Variants in SREBF2 observed in about 807,000 individuals in gnomAD.
The protein encoded by SREBF2 is sterol regulatory element binding transcription factor 2.
In SREBF2, 55 loss-of-function variants were observed where a neutral mutation model predicts 113.1. The ratio of observed to expected loss-of-function variants is 0.49; its 90% CI spans 0.39 to 0.61. The LOEUF is 0.61. Ranked by LOEUF, SREBF2 falls within the 20% of genes least tolerant of loss-of-function variation. SREBF2 has a pLI of 0.00. For missense variants in SREBF2, 1,349 were observed against 1,487.4 expected, an observed-to-expected ratio of 0.91 and a Z score of 1.53; for synonymous variants, 593 against 605.7, an observed-to-expected ratio of 0.98 and a Z score of 0.31.
At chr22:41,840,108 A>T (rs554051530) in intron 1 of SREBF2, among the ~76,000 whole-genome samples, 6 of 151,208 alleles carry the variant, frequency 4.0e-5, no homozygotes, top group Non-Finnish European at 7.4e-5. Context: ...ATAGGCACCC[A>T]CCTCCACACC....
At chr22:41,895,140 G>A (rs1569408384) in intron 13 of SREBF2, among the ~76,000 whole-genome samples, 3 of 138,158 alleles carry the variant, frequency 2.2e-5, no homozygotes, top group East Asian at 2.1e-4. Context: ...GACCAAGTGC[G>A]TTTTTTTTTT....
chr22:41,866,691 G>T, intron 1 of SREBF2, 140 bp from the exon 2 acceptor site: 1 of 983,662 alleles, frequency 1.0e-6, no homozygotes, highest in Non-Finnish European at 1.6e-6. Flanking sequence ...ATCCCCACAA[G>T]AAAGAGGTAA....
chr22:41,886,010 C>G (rs781524816), intron 11 of SREBF2: 1 of 152,208 alleles, frequency 6.6e-6, no homozygotes, highest in Non-Finnish European at 1.5e-5. Context: ...ATAAGAGACT[C>G]ATCCCTTGAT....
rs1168805672 is a variant in SREBF2 at position 41,867,035 on chromosome 22, C to T, written c.293C>T (p.Pro98Leu). ...VQRSFTQVTL[P>L]SFSPSAASPQ... is the part of the protein sequence containing the mutation. Reference sequence around the variant, plus strand: ...CGGTCATTCACCCAGGTCACATTACCTTCCTTCTCTCCCTCGGCGGCCTCC... The same window carrying T: ...CGGTCATTCACCCAGGTCACATTACTTTCCTTCTCTCCCTCGGCGGCCTCC... Residue 98 changes from proline (P) to leucine (L), a missense_variant, in exon 2 of 19, where the codon CCT becomes CTT. Pro to Leu is a moderately conservative substitution (Grantham distance 98, BLOSUM62 -3). This residue lies in a region of SREBF2 where 699 missense variants were observed against 843.3 expected (regional missense o/e 0.83). Transcript: ENST00000361204. 6.2e-7 allele frequency: 1 copy of T among 1,614,164 alleles called. No individual in the cohort carries two copies.
intron 4 of SREBF2, 25 bp from the exon 5 acceptor site, chr22:41,873,773 T>C: frequency 6.3e-7 from 1 of 1,577,334 alleles, no homozygotes; most frequent in Non-Finnish European, 8.6e-7. Context: ...GGGATCATTC[T>C]GCTGTGTACC....
chr22:41,873,709 A>G, intron 4 of SREBF2, 89 bp from the exon 5 acceptor site: 2 of 1,349,872 alleles, frequency 1.5e-6, no homozygotes, highest in Non-Finnish European at 2.1e-6. Context: ...GTCTGGCAGC[A>G]CTTGGCCAAA....
At chr22:41,897,975 T>C (rs2077431030) in intron 14 of SREBF2, among the ~76,000 whole-genome samples, 1 of 152,230 alleles carries the variant, frequency 6.6e-6, no homozygotes, top group Non-Finnish European at 1.5e-5. Flanking sequence ...TTTATGGCTA[T>C]TGAAAGCTTA....
Position 41,893,462 on chromosome 22 carries a change from T to C in SREBF2, c.2377+177T>C, listed in dbSNP as rs5996080. Among the ~76,000 whole-genome samples the C allele has an allele frequency of 0.14, 21,306 of 152,126 alleles. 2,213 individuals are homozygous for C. The highest frequency in any genetic ancestry group is 0.3 in the African/African-American group (12,369 of 41,448). On this transcript the variant is annotated intron_variant, in intron 12 of 18. Transcript: ENST00000361204. Reference sequence around the variant, plus strand: ...AGCTCAGGGAGGTTGAGTAACTTGCTTAAGGTCACAAGCCTGATCAGAAAT... The same window carrying C: ...AGCTCAGGGAGGTTGAGTAACTTGCCTAAGGTCACAAGCCTGATCAGAAAT...
At chr22:41,899,096 C>T in intron 15 of SREBF2, 1 of 685,426 alleles carries the variant, frequency 1.5e-6, no homozygotes, top group Non-Finnish European at 2.1e-6. Flanking sequence ...GTGTGGCCCC[C>T]AGCATCTTCA....
chr22:41,853,815 C>T (rs2076953188), intron 1 of SREBF2, among the ~76,000 whole-genome samples: 2 of 152,190 alleles, frequency 1.3e-5, no homozygotes, highest in Middle Eastern at 3.4e-3. Context: ...GCAGGTGGAT[C>T]ACAAGGTCAG....
intron 12 of SREBF2, 65 bp downstream of exon 12, chr22:41,893,350 C>T (rs1364863547): frequency 1.3e-6 from 2 of 1,552,426 alleles, no homozygotes; most frequent in Non-Finnish European, 1.8e-6. Context: ...ACTACAGAGT[C>T]ACTGCACCAG....
At position 41,880,920 on chromosome 22, in the gene SREBF2, G is replaced by GA; in HGVS notation, c.1968dup (p.Asp657ArgfsTer4). On this transcript the variant is annotated frameshift_variant, in exon 10 of 19. Coordinates refer to ENST00000361204, the MANE Select transcript of SREBF2 (RefSeq NM_004599.4). LOFTEE classifies it high-confidence loss of function. ...CACGCCAGCCACTGAGGCAGGCTTT[G>GA]AAGACGAAGCTAAGACCAGCGCCCG... 1 of 1,613,558 alleles carries GA rather than the reference G, an allele frequency of 6.2e-7. No homozygotes were observed. Among genetic ancestry groups the GA allele is most frequent in the Non-Finnish European group, 8.5e-7 (1 of 1,180,050 alleles).
chr22:41,905,323 C>T (rs2077497896), intron 18 of SREBF2, 117 bp from the exon 19 acceptor site: 2 of 1,023,590 alleles, frequency 2.0e-6, no homozygotes, highest in Non-Finnish European at 2.9e-6. Context: ...GGTGGGGCAG[C>T]AGACCCCACC....
rs755661540 is a variant in SREBF2 at position 41,898,754 on chromosome 22, G to T, written c.2711G>T (p.Arg904Leu). ...AVRSHFTKVE[R>L]IPKALEVTES... The stretch of plus-strand genomic sequence containing the variant: ...CGCTCTCATTTTACCAAAGTGGAAC[G>T]CATCCCCAAGGCCCTGGAAGTGACA... Residue 904 changes from arginine to leucine, a missense_variant, in exon 15 of 19, where the codon CGC becomes CTC. By Grantham distance (102) the Arg-to-Leu change is moderately radical. This residue lies in a region of SREBF2 where 650 missense variants were observed against 644.1 expected (regional missense o/e 1.01). Transcript: ENST00000361204. The T allele has an allele frequency of 6.2e-6, 10 of 1,614,116 alleles. No homozygotes were observed. Among genetic ancestry groups the T allele is most frequent in the Non-Finnish European group, 2.5e-6 (3 of 1,180,006 alleles).
chr22:41,837,858 C>CAAAAAAA (rs35054500), intron 1 of SREBF2, among the ~76,000 whole-genome samples: 1 of 102,984 alleles, frequency 9.7e-6, no homozygotes, highest in Non-Finnish European at 1.8e-5. Context: ...GACTCTGTCT[C>CAAAAAAA]AAAAAAAAAA....
chr22:41,878,587 C>T, intron 9 of SREBF2: 1 of 1,052,982 alleles, frequency 9.5e-7, no homozygotes, highest in Non-Finnish European at 1.3e-6. Context: ...GCTTTATTCC[C>T]AATTCTCTAT....
Position 41,867,148 on chromosome 22 carries a change from C to T in SREBF2, c.406C>T (p.Gln136Ter). 6.2e-7 allele frequency: 1 copy of T among 1,614,216 alleles called. No homozygotes were observed. The highest frequency in any genetic ancestry group is 1.7e-5 in the Admixed American group (1 of 60,018). ...AACTCCTATTCTTCAGCCCCGCCCC[C>T]AGCCCCAGCCTCAACCTCAAACTCA... Reference protein sequence around the residue: ...RATPILQPRPQPQPQPQTQLQ... With the variant: ...RATPILQPRP The change falls in exon 2 of 19, where the codon CAG (glutamine) becomes TAG (stop). Residue 136 changes from glutamine (Q) to a stop codon, truncating the protein, a stop_gained. Coordinates refer to ENST00000361204, the MANE Select transcript of SREBF2 (RefSeq NM_004599.4). LOFTEE classifies it high-confidence loss of function.
intron 11 of SREBF2, chr22:41,891,337 C>A (rs995429494): frequency 1.1e-4 from 16 of 152,172 alleles, no homozygotes; most frequent in African/African-American, 3.9e-4. Context: ...TATCCAGTAT[C>A]AACACTGGTT....
At position 41,891,838 on chromosome 22, in the gene SREBF2, T is replaced by C. The variant is rs143604464; in HGVS notation, c.2209-1279T>C. Among the ~76,000 whole-genome samples, 200 of 152,310 alleles carry C rather than the reference T, an allele frequency of 1.3e-3. 1 individual carries two copies. Among genetic ancestry groups the C allele is most frequent in the African/African-American group, 4.8e-3 (200 of 41,572 alleles). On this transcript the variant is annotated intron_variant, in intron 11 of 18. Coordinates refer to ENST00000361204, the MANE Select transcript of SREBF2 (RefSeq NM_004599.4). ...CCTGGCCTGTTTCGGGGAGTGGTTA[T>C]GGGTTGGAAGTCATGGGTGTTAGTG... is the stretch of plus-strand genomic sequence containing the variant.
Sources: allele counts gnomAD v4.1 joint callset (sites outside exome capture counted in the v4.1 genomes callset), GRCh38; gene constraint gnomAD v4.1.1; regional missense constraint gnomAD v4.1.1; transcripts MANE v1.5; gene names NCBI Gene and HGNC (gene_info 2026-07-23, HGNC 2026-07-21).